TBC1D4: variants seen among roughly 807,000 people sequenced by gnomAD.
TBC1D4 encodes the protein TBC1 domain family member 4, also known as TBC (Tre-2, BUB2, CDC16) domain-containing protein.
In TBC1D4, 121 loss-of-function variants were observed where a neutral mutation model predicts 142.5. The observed-to-expected ratio is 0.85, with a 90% CI of 0.73 to 0.99. The LOEUF is 0.99. Ranked by LOEUF, TBC1D4 falls within the 50% of genes least tolerant of loss-of-function variation. The pLI is 0.00. For missense variants in TBC1D4, 1,475 were observed against 1,606.6 expected (o/e 0.92, Z 1.40); for synonymous variants, 630 against 628.2 (o/e 1.00, Z -0.04).
intron 1 of TBC1D4, among the ~76,000 whole-genome samples, chr13:75,423,054 T>G (rs1159001747): frequency 6.6e-6 from 1 of 152,156 alleles, no homozygotes; most frequent in African/African-American, 2.4e-5. Flanking sequence ...AAAACATATT[T>G]TAATGATGCG....
chr13:75,383,462 G>T (rs937088765), intron 1 of TBC1D4, among the ~76,000 whole-genome samples: 10 of 152,118 alleles, frequency 6.6e-5, no homozygotes, highest in East Asian at 1.9e-4. Context: ...AAAACATTTT[G>T]TTTTTATCCT....
At chr13:75,397,264 C>T (rs974203149) in intron 1 of TBC1D4, among the ~76,000 whole-genome samples, 6 of 152,106 alleles carry the variant, frequency 3.9e-5, no homozygotes, top group African/African-American at 1.4e-4. Flanking sequence ...TAGCATAAAA[C>T]CTTTAGTCCA....
chr13:75,417,286 A>T (rs1447494063), intron 1 of TBC1D4, among the ~76,000 whole-genome samples: 1 of 152,038 alleles, frequency 6.6e-6, no homozygotes, highest in Non-Finnish European at 1.5e-5. Context: ...ATCTCCTTCC[A>T]GCCTCATGTG....
chr13:75,288,040 A>G (rs888615241), intron 20 of TBC1D4, among the ~76,000 whole-genome samples: 1 of 152,210 alleles, frequency 6.6e-6, no homozygotes, highest in Non-Finnish European at 1.5e-5. Context: ...CAAGTTGCAA[A>G]TACCGAATAT....
chr13:75,361,659 C>A (rs1199354143), intron 2 of TBC1D4, among the ~76,000 whole-genome samples: 3 of 152,192 alleles, frequency 2.0e-5, no homozygotes, highest in Non-Finnish European at 4.4e-5. Flanking sequence ...GAATTACAGG[C>A]GTGAGCCCCC....
intron 15 of TBC1D4, among the ~76,000 whole-genome samples, chr13:75,305,739 T>G (rs1877116238): frequency 6.6e-6 from 1 of 152,212 alleles, no homozygotes; most frequent in Non-Finnish European, 1.5e-5. Flanking sequence ...AAACTGCAAC[T>G]AAAAGTTGAC....
At chr13:75,312,146 G>C (rs1261400193) in intron 13 of TBC1D4, among the ~76,000 whole-genome samples, 1 of 151,916 alleles carries the variant, frequency 6.6e-6, no homozygotes, top group Non-Finnish European at 1.5e-5. Context: ...TAGTTTAATA[G>C]GTCAATTACT....
rs779810199 is a variant in TBC1D4, at chr13:75,326,306, T to C, written c.1924A>G (p.Thr642Ala). Residue 642 changes from threonine to alanine, a missense_variant, in exon 10 of 21, where the codon ACG becomes GCG. Physicochemically the swap from Thr to Ala is moderately conservative, Grantham distance 58 (BLOSUM62 0). Around this residue, in one of 2 missense-constraint regions of TBC1D4, gnomAD observed 1,227 missense variants for 1,267.7 expected, o/e 0.97. Coordinates refer to ENST00000377636, the MANE Select transcript of TBC1D4 (RefSeq NM_014832.5). Reference sequence around the variant, plus strand: ...GTGCTTGAAGGTGGGTGGCTGAACGTGTGTGCCCGTCTTCGAAACTGCGGG... The same window carrying C: ...GTGCTTGAAGGTGGGTGGCTGAACGCGTGTGCCCGTCTTCGAAACTGCGGG... ...DSPQFRRRAH[T>A]FSHPPSSTKR... 1 of 1,614,144 alleles carries C rather than the reference T, an allele frequency of 6.2e-7. No individual in the cohort carries two copies. Among genetic ancestry groups the C allele is most frequent in the South Asian group, 1.1e-5 (1 of 91,078 alleles).
intron 1 of TBC1D4, among the ~76,000 whole-genome samples, chr13:75,389,925 A>G (rs904805776): frequency 6.6e-6 from 1 of 152,208 alleles, no homozygotes; most frequent in Non-Finnish European, 1.5e-5. Flanking sequence ...GGGCCCTACA[A>G]GTAACAGAAA....
intron 18 of TBC1D4, among the ~76,000 whole-genome samples, chr13:75,293,578 A>G (rs1469627026): frequency 6.6e-6 from 1 of 152,216 alleles, no homozygotes; most frequent in African/African-American, 2.4e-5. Flanking sequence ...ATACCCATTA[A>G]TAGGAACCCA....
chr13:75,374,516 C>A (rs1017579664), intron 1 of TBC1D4, among the ~76,000 whole-genome samples: 2 of 152,130 alleles, frequency 1.3e-5, no homozygotes, highest in Non-Finnish European at 2.9e-5. Flanking sequence ...ATCCAAAACA[C>A]CTCCTTAGGT....
chr13:75,420,749 A>C (rs1356938753), intron 1 of TBC1D4, among the ~76,000 whole-genome samples: 2 of 152,210 alleles, frequency 1.3e-5, no homozygotes, highest in Non-Finnish European at 2.9e-5. Context: ...GTTACACCAA[A>C]TGTAGTGGGG....
intron 1 of TBC1D4, among the ~76,000 whole-genome samples, chr13:75,416,760 T>C (rs1398066175): frequency 6.6e-6 from 1 of 152,188 alleles, no homozygotes; most frequent in African/African-American, 2.4e-5. Flanking sequence ...CCAGTCTATG[T>C]AATAACCAAA....
chr13:75,350,397 G>T (rs186275021), intron 4 of TBC1D4, among the ~76,000 whole-genome samples: 1 of 152,242 alleles, frequency 6.6e-6, no homozygotes, highest in Admixed American at 6.5e-5. Flanking sequence ...TGAAAGAAGA[G>T]ATCAAACACC....
chr13:75,309,859 G>T, intron 14 of TBC1D4, 83 bp downstream of exon 14: 3 of 1,367,116 alleles, frequency 2.2e-6, no homozygotes, highest in Non-Finnish European at 3.1e-6. Context: ...AGTGCGGATA[G>T]TATGTATGGG....
chr13:75,287,658 T>A (rs1008463833), intron 20 of TBC1D4, among the ~76,000 whole-genome samples: 2 of 152,204 alleles, frequency 1.3e-5, no homozygotes, highest in African/African-American at 2.4e-5. Context: ...TTGCCCTTTT[T>A]TGAATAGAAA....
At chr13:75,312,281 C>G (rs1877828513) in intron 13 of TBC1D4, among the ~76,000 whole-genome samples, 1 of 151,656 alleles carries the variant, frequency 6.6e-6, no homozygotes, top group South Asian at 2.1e-4. Context: ...GGCTATGTTG[C>G]TTTTCTAATA....
intron 1 of TBC1D4, among the ~76,000 whole-genome samples, chr13:75,385,496 T>A (rs537375152): frequency 1.3e-5 from 2 of 152,356 alleles, no homozygotes; most frequent in East Asian, 1.9e-4. Context: ...GAGTGTCACC[T>A]GAAAAGCAGG....
intron 4 of TBC1D4, among the ~76,000 whole-genome samples, chr13:75,350,749 G>A (rs186701791): frequency 1.6e-4 from 24 of 151,950 alleles, no homozygotes; most frequent in African/African-American, 4.8e-4. Context: ...TAATAATACC[G>A]CCTTGTAAAA....
Sources: allele counts gnomAD v4.1 joint callset (sites outside exome capture counted in the v4.1 genomes callset), GRCh38; gene constraint gnomAD v4.1.1; regional missense constraint gnomAD v4.1.1; transcripts MANE v1.5; gene names NCBI Gene and HGNC (gene_info 2026-07-23, HGNC 2026-07-21).